The following TMEM232 variants were observed in gnomAD, a reference collection of about 807,000 sequenced individuals.
TMEM232 encodes the protein transmembrane protein 232.
In TMEM232, 80 loss-of-function variants were observed where a neutral mutation model predicts 78.8. The observed-to-expected ratio is 1.01, with a 90% CI of 0.85 to 1.22. TMEM232 has a LOEUF of 1.22. Among genes scored for constraint, TMEM232 ranks in the 50% most tolerant of loss-of-function variants. The pLI is 0.00. For synonymous variants in TMEM232, 297 were observed against 254.3 expected (o/e 1.17, Z -1.60); for missense variants, 881 against 742.2 (o/e 1.19, Z -2.17).
intron 2 of TMEM232, among the ~76,000 whole-genome samples, chr5:110,660,390 C>T (rs911270296): frequency 2.6e-5 from 4 of 151,784 alleles, no homozygotes; most frequent in Non-Finnish European, 2.9e-5. Context: ...ACAAACAAAA[C>T]CTGGTATTTT....
rs556046066 is a variant in TMEM232, at chr5:110,601,202, C to T, written c.1276+3907G>A. On this transcript the variant is annotated intron_variant, in intron 10 of 13. Transcript: ENST00000455884. ...TAACAAACTCATAGCCAATATCATA[C>T]TGAATAGGCAAAAGCTAGAAGTATT... is the stretch of plus-strand genomic sequence containing the variant. Among the ~76,000 whole-genome samples the T allele has an allele frequency of 2.0e-5, 3 of 152,304 alleles. No individual in the cohort carries two copies. In the South Asian group the frequency reaches 6.2e-4, roughly 32 times the overall value.
At chr5:110,687,950 A>T (rs529380744) in intron 1 of TMEM232, among the ~76,000 whole-genome samples, 2 of 152,242 alleles carry the variant, frequency 1.3e-5, no homozygotes, top group African/African-American at 4.8e-5. Context: ...TAGTTAAAAA[A>T]ATAAAAATGT....
intron 1 of TMEM232, among the ~76,000 whole-genome samples, chr5:110,669,758 C>A (rs917339254): frequency 2.0e-5 from 3 of 152,120 alleles, no homozygotes; most frequent in African/African-American, 7.2e-5. Context: ...CTGAATCCAG[C>A]AGCACATCAA....
intron 1 of TMEM232, among the ~76,000 whole-genome samples, chr5:110,712,435 A>C (rs1483599605): frequency 6.6e-6 from 1 of 152,156 alleles, no homozygotes; most frequent in Non-Finnish European, 1.5e-5. Flanking sequence ...AGTAGGCAAA[A>C]TATCTGAATA....
intron 9 of TMEM232, 35 bp from the exon 10 acceptor site, chr5:110,605,393 T>G (rs532139495): frequency 6.6e-7 from 1 of 1,523,840 alleles, no homozygotes; most frequent in Non-Finnish European, 8.8e-7. Flanking sequence ...ATCATCAAAG[T>G]ATATCTTTGC....
chr5:110,452,727 T>G (rs1043304268), intron 12 of TMEM232, among the ~76,000 whole-genome samples: 1 of 152,194 alleles, frequency 6.6e-6, no homozygotes, highest in East Asian at 1.9e-4. Flanking sequence ...TCTTAATGTA[T>G]AGCCTAGTGT....
intron 13 of TMEM232, among the ~76,000 whole-genome samples, chr5:110,421,097 C>A (rs538959405): frequency 6.6e-6 from 1 of 150,876 alleles, no homozygotes; most frequent in Non-Finnish European, 1.5e-5. Context: ...AAATGAAGAA[C>A]GAGATGAAAG....
chr5:110,632,732 AAAC>A (rs1785292743), intron 5 of TMEM232, among the ~76,000 whole-genome samples: 2 of 152,168 alleles, frequency 1.3e-5, no homozygotes, highest in African/African-American at 2.4e-5. Flanking sequence ...AAAAGAAAAA[AAAC>A]AAAGTCTCTG....
intron 12 of TMEM232, among the ~76,000 whole-genome samples, chr5:110,494,323 T>C (rs1420767315): frequency 6.6e-6 from 1 of 152,070 alleles, no homozygotes; most frequent in Admixed American, 6.6e-5. Flanking sequence ...AAAGAATAGA[T>C]ATTCCAGAAG....
At chr5:110,710,660 T>C (rs1003961437) in intron 1 of TMEM232, among the ~76,000 whole-genome samples, 2 of 152,118 alleles carry the variant, frequency 1.3e-5, no homozygotes, top group African/African-American at 4.8e-5. Context: ...ATTATTTCAA[T>C]TGGTGAGATG....
At chr5:110,680,396 CAAAAAAAA>C (rs1189611727) in intron 1 of TMEM232, among the ~76,000 whole-genome samples, 3 of 24,660 alleles carry the variant, frequency 1.2e-4, no homozygotes, top group African/African-American at 2.9e-4. Context: ...GACTCTATCT[CAAAAAAAA>C]AAAAAAAAAA....
chr5:110,592,609 C>G (rs946687851), intron 10 of TMEM232, among the ~76,000 whole-genome samples: 1 of 152,080 alleles, frequency 6.6e-6, no homozygotes, highest in African/African-American at 2.4e-5. Flanking sequence ...CATTTCATTT[C>G]TTAGTTCAAG....
intron 8 of TMEM232, among the ~76,000 whole-genome samples, chr5:110,607,225 A>T (rs1442552533): frequency 1.3e-5 from 2 of 151,920 alleles, no homozygotes; most frequent in African/African-American, 4.8e-5. Flanking sequence ...CACATTTAAG[A>T]TTTTTCAAGA....
intron 10 of TMEM232, among the ~76,000 whole-genome samples, chr5:110,571,334 A>T (rs7718927): frequency 0.39 from 59,892 of 151,908 alleles, 16,214 homozygotes; most frequent in African/African-American, 0.77. Context: ...AGAACAACTA[A>T]GTCCCTTTGC....
chr5:110,489,002 C>A (rs920728855), intron 12 of TMEM232, among the ~76,000 whole-genome samples: 35 of 151,518 alleles, frequency 2.3e-4, no homozygotes, highest in African/African-American at 8.5e-4. Context: ...GAAAATGACA[C>A]GAAAAGAAAT....
At chr5:110,731,764 A>G (rs1798701142) in intron 2 of TMEM232, among the ~76,000 whole-genome samples, 1 of 152,206 alleles carries the variant, frequency 6.6e-6, no homozygotes, top group African/African-American at 2.4e-5. Flanking sequence ...TGATGGAAGG[A>G]TGCCATGAAA....
chr5:110,524,141 T>C (rs1192738594), intron 12 of TMEM232, among the ~76,000 whole-genome samples: 2 of 150,420 alleles, frequency 1.3e-5, no homozygotes, highest in East Asian at 3.9e-4. Context: ...TGCGTGCCTG[T>C]AGTCCCAGCT....
intron 1 of TMEM232, among the ~76,000 whole-genome samples, chr5:110,720,236 C>A (rs1442368495): frequency 6.6e-6 from 1 of 152,050 alleles, no homozygotes; most frequent in East Asian, 1.9e-4. Flanking sequence ...CTTGTGAAAC[C>A]TCTCCCCTAT....
chr5:110,596,900 C>A (rs1219955279), intron 10 of TMEM232, among the ~76,000 whole-genome samples: 1 of 152,122 alleles, frequency 6.6e-6, no homozygotes, highest in African/African-American at 2.4e-5. Flanking sequence ...AAACCCACAG[C>A]CAATATCATA....
Sources: allele counts gnomAD v4.1 joint callset (sites outside exome capture counted in the v4.1 genomes callset), GRCh38; gene constraint gnomAD v4.1.1; transcripts MANE v1.5; gene names NCBI Gene and HGNC (gene_info 2026-07-23, HGNC 2026-07-21).